The following HS3ST3A1 variants were observed in gnomAD, a reference collection of about 807,000 sequenced individuals.
The protein encoded by HS3ST3A1 is heparan sulfate glucosamine 3-O-sulfotransferase 3A1.
Under a neutral mutation model 25.7 loss-of-function variants are expected in HS3ST3A1, and 19 were observed. The observed-to-expected ratio is 0.74, with a 90% CI of 0.52 to 1.08. The LOEUF (loss-of-function observed/expected upper bound fraction) is 1.08. Ranked by LOEUF, HS3ST3A1 falls within the 50% of genes least tolerant of loss-of-function variation. HS3ST3A1 has a pLI of 0.00. For synonymous variants in HS3ST3A1, 226 were observed against 278.6 expected (o/e 0.81, Z 1.88); for missense variants, 459 against 594.3 (o/e 0.77, Z 2.37).
chr17:13,582,884 A>G (rs1004092250), intron 1 of HS3ST3A1, among the ~76,000 whole-genome samples: 19 of 152,222 alleles, frequency 1.2e-4, no homozygotes, highest in African/African-American at 4.6e-4. Context: ...ATAATGTGTA[A>G]GTAGCCTGCA....
intron 1 of HS3ST3A1, among the ~76,000 whole-genome samples, chr17:13,550,720 A>C (rs1391113987): frequency 6.6e-6 from 1 of 152,074 alleles, no homozygotes; most frequent in Non-Finnish European, 1.5e-5. Context: ...CAACAACAAC[A>C]ACAACAACAA....
At chr17:13,521,224 T>A (rs1020533815) in intron 1 of HS3ST3A1, among the ~76,000 whole-genome samples, 2 of 152,228 alleles carry the variant, frequency 1.3e-5, no homozygotes, top group Admixed American at 6.5e-5. Context: ...TGCTAATTGC[T>A]TCTTTCTTTT....
intron 1 of HS3ST3A1, among the ~76,000 whole-genome samples, chr17:13,585,748 C>A (rs1384410397): frequency 2.0e-5 from 3 of 151,718 alleles, no homozygotes; most frequent in African/African-American, 4.8e-5. Flanking sequence ...ACCCTTACTC[C>A]TGGGCTCCAG....
At chr17:13,528,107 A>G (rs2142328135) in intron 1 of HS3ST3A1, among the ~76,000 whole-genome samples, 1 of 152,298 alleles carries the variant, frequency 6.6e-6, no homozygotes. Flanking sequence ...TCCAATTCAG[A>G]ATGGATCATA....
At chr17:13,516,172 T>C (rs943653232) in intron 1 of HS3ST3A1, among the ~76,000 whole-genome samples, 38 of 152,150 alleles carry the variant, frequency 2.5e-4, no homozygotes, top group Non-Finnish European at 4.4e-4. Flanking sequence ...GAGCCAGGCA[T>C]GGTGGCACGT....
rs1049261997 is a variant in HS3ST3A1 at position 13,601,533 on chromosome 17, G to C, written c.-404C>G. The C allele has an allele frequency of 1.1e-5, 2 of 177,020 alleles. No homozygotes were observed. The highest frequency in any genetic ancestry group is 2.3e-5 in the Non-Finnish European group (2 of 85,646). 11.0% of individuals were successfully genotyped at this position (177,020 alleles called of 1,614,324 possible). ...GAGAGACTTCTCGGCGCGGATCTCCGCTCAGCGATCCTGCATCACTGGCTC... is the reference window on the plus strand; with the variant it reads ...GAGAGACTTCTCGGCGCGGATCTCCCCTCAGCGATCCTGCATCACTGGCTC... On this transcript the variant is annotated 5_prime_UTR_variant, in exon 1 of 2. Transcript: ENST00000284110.
intron 1 of HS3ST3A1, among the ~76,000 whole-genome samples, chr17:13,569,157 C>T (rs1337785231): frequency 3.9e-5 from 6 of 152,154 alleles, no homozygotes; most frequent in Non-Finnish European, 8.8e-5. Context: ...TGAATCCCAG[C>T]TTTCAACCCA....
intron 1 of HS3ST3A1, among the ~76,000 whole-genome samples, chr17:13,585,915 T>A (rs546360162): frequency 3.7e-5 from 5 of 133,788 alleles, no homozygotes; most frequent in African/African-American, 1.4e-4. Flanking sequence ...AGTGGCGCAA[T>A]CTCGGCTCAC....
intron 1 of HS3ST3A1, among the ~76,000 whole-genome samples, chr17:13,505,519 G>A (rs1049541965): frequency 2.0e-5 from 3 of 152,062 alleles, no homozygotes; most frequent in Non-Finnish European, 4.4e-5. Context: ...CAAGCTCGAG[G>A]AGTTAAAGAC....
chr17:13,530,719 C>A (rs1447805184), intron 1 of HS3ST3A1, among the ~76,000 whole-genome samples: 1 of 152,160 alleles, frequency 6.6e-6, no homozygotes, highest in Non-Finnish European at 1.5e-5. Context: ...GCTTTATCCT[C>A]CCCATGGCCA....
chr17:13,501,595 G>C (rs1406386194), intron 1 of HS3ST3A1, among the ~76,000 whole-genome samples: 5 of 152,082 alleles, frequency 3.3e-5, no homozygotes, highest in Admixed American at 3.3e-4. Context: ...CATGCCCACT[G>C]CCTGCTGCAT....
chr17:13,542,081 A>G (rs1906950790), intron 1 of HS3ST3A1, among the ~76,000 whole-genome samples: 1 of 152,138 alleles, frequency 6.6e-6, no homozygotes. Context: ...TAATCCCAGC[A>G]GTTTAGGAGG....
intron 1 of HS3ST3A1, among the ~76,000 whole-genome samples, chr17:13,564,648 T>A (rs1907631268): frequency 6.6e-6 from 1 of 152,040 alleles, no homozygotes; most frequent in Non-Finnish European, 1.5e-5. Flanking sequence ...GGCTGGAGAT[T>A]GGTTGAATCC....
intron 1 of HS3ST3A1, among the ~76,000 whole-genome samples, chr17:13,542,030 T>C (rs1906948922): frequency 6.6e-6 from 1 of 152,086 alleles, no homozygotes; most frequent in South Asian, 2.1e-4. Flanking sequence ...AAGGAGGTTA[T>C]TAAAGTTAAA....
intron 1 of HS3ST3A1, among the ~76,000 whole-genome samples, chr17:13,505,469 C>A (rs1169334602): frequency 6.6e-6 from 1 of 152,022 alleles, no homozygotes; most frequent in Non-Finnish European, 1.5e-5. Flanking sequence ...GAAAGGACTG[C>A]AGGTGGTTTA....
At chr17:13,572,144 G>C (rs748539621) in intron 1 of HS3ST3A1, among the ~76,000 whole-genome samples, 1 of 152,096 alleles carries the variant, frequency 6.6e-6, no homozygotes, top group African/African-American at 2.4e-5. Context: ...TATTTTTTCT[G>C]TCTCTCTTCA....
chr17:13,567,844 G>A (rs1264733720), intron 1 of HS3ST3A1, among the ~76,000 whole-genome samples: 1 of 152,130 alleles, frequency 6.6e-6, no homozygotes. Context: ...ATCTCCTCCT[G>A]GTAAAGATGC....
intron 1 of HS3ST3A1, among the ~76,000 whole-genome samples, chr17:13,501,738 G>C (rs1004333558): frequency 5.9e-5 from 9 of 152,174 alleles, no homozygotes; most frequent in African/African-American, 2.2e-4. Flanking sequence ...GGAATACATG[G>C]AAGCACTCTT....
intron 1 of HS3ST3A1, among the ~76,000 whole-genome samples, chr17:13,543,942 A>G (rs1473363376): frequency 4.6e-5 from 7 of 152,208 alleles, no homozygotes; most frequent in Non-Finnish European, 1.0e-4. Flanking sequence ...GTAGCTCATT[A>G]TCTTGGGCAA....
Sources: gnomAD v4.1 joint callset for allele counts (sites outside exome capture counted in the v4.1 genomes callset) on GRCh38, gnomAD v4.1.1 for gene constraint, MANE v1.5 for transcripts, NCBI Gene and HGNC (gene_info 2026-07-23, HGNC 2026-07-21) for gene names.